The following CNIH3 variants were observed in gnomAD, a reference collection of about 807,000 sequenced individuals.
CNIH3 encodes the protein cornichon family AMPA receptor auxiliary protein 3, also known as protein cornichon homolog 3.
In CNIH3, 14 loss-of-function variants were observed where a neutral mutation model predicts 24.1. The ratio of observed to expected loss-of-function variants is 0.58; its 90% confidence interval spans 0.38 to 0.91. CNIH3 has a LOEUF of 0.91. CNIH3 is among the 40% of genes least tolerant of loss of function. The pLI, the probability that CNIH3 is intolerant of heterozygous loss-of-function variation, is 0.00. For synonymous variants in CNIH3, 68 were observed against 73.8 expected (o/e 0.92, Z 0.40); for missense variants, 178 against 196.8 (o/e 0.90, Z 0.57).
intron 3 of CNIH3, among the ~76,000 whole-genome samples, chr1:224,562,648 G>A (rs950713677): frequency 6.6e-6 from 1 of 152,060 alleles, no homozygotes; most frequent in African/African-American, 2.4e-5. Context: ...TGAATGGCTT[G>A]GTGCCCTTCC....
intron 1 of CNIH3, among the ~76,000 whole-genome samples, chr1:224,624,631 G>C (rs1683431634): frequency 6.6e-6 from 1 of 152,032 alleles, no homozygotes; most frequent in Non-Finnish European, 1.5e-5. Flanking sequence ...AGAGCATCGT[G>C]GTCCCTTCCA....
chr1:224,468,622 A>G (rs933687222), intron 1 of CNIH3, among the ~76,000 whole-genome samples: 12 of 151,996 alleles, frequency 7.9e-5, no homozygotes, highest in Non-Finnish European at 1.2e-4. Context: ...TTTCTTTCCA[A>G]TCTGTCTGCA....
intron 1 of CNIH3, among the ~76,000 whole-genome samples, chr1:224,478,287 A>G (rs576528106): frequency 3.9e-5 from 6 of 152,260 alleles, no homozygotes; most frequent in Non-Finnish European, 5.9e-5. Context: ...TTTAAGGCCA[A>G]TAACTCTTAG....
At chr1:224,518,414 C>T (rs181658451) in intron 1 of CNIH3, among the ~76,000 whole-genome samples, 1 of 152,178 alleles carries the variant, frequency 6.6e-6, no homozygotes, top group Non-Finnish European at 1.5e-5. Context: ...ACTGTAGCCT[C>T]GGACTCTTGG....
At chr1:224,502,579 G>A (rs963261348) in intron 1 of CNIH3, among the ~76,000 whole-genome samples, 2 of 152,202 alleles carry the variant, frequency 1.3e-5, no homozygotes, top group African/African-American at 4.8e-5. Flanking sequence ...GCAGCGTGGG[G>A]AGGTGGATTG....
At chr1:224,535,793 G>A (rs973792465) in intron 2 of CNIH3, among the ~76,000 whole-genome samples, 8 of 152,206 alleles carry the variant, frequency 5.3e-5, no homozygotes, top group Non-Finnish European at 8.8e-5. Flanking sequence ...ACCTGTAGGC[G>A]TGAAGGAGGC....
At chr1:224,488,465 T>TG (rs200373724) in intron 1 of CNIH3, among the ~76,000 whole-genome samples, 12,754 of 22,252 alleles carry the variant, frequency 0.57, 1,968 homozygotes, top group African/African-American at 0.59. Flanking sequence ...TAATTTTTTT[T>TG]TGGGGGGTGG....
At chr1:224,647,019 C>A (rs1158106661) in intron 1 of CNIH3, among the ~76,000 whole-genome samples, 1 of 152,154 alleles carries the variant, frequency 6.6e-6, no homozygotes, top group African/African-American at 2.4e-5. Flanking sequence ...CAGAGTCTTG[C>A]TCTGTCATGC....
intron 3 of CNIH3, among the ~76,000 whole-genome samples, chr1:224,712,129 T>C (rs977697665): frequency 3.3e-5 from 5 of 152,196 alleles, no homozygotes; most frequent in African/African-American, 1.2e-4. Context: ...TTGTCTAAAG[T>C]CCACTCACTT....
At chr1:224,452,507 C>T (rs1440112969) in intron 1 of CNIH3, among the ~76,000 whole-genome samples, 9 of 151,980 alleles carry the variant, frequency 5.9e-5, no homozygotes, top group South Asian at 2.1e-4. Context: ...GTTGGCCGGG[C>T]ACGGTGGCTC....
intron 1 of CNIH3, among the ~76,000 whole-genome samples, chr1:224,670,909 G>A (rs1031062213): frequency 5.9e-5 from 9 of 152,232 alleles, no homozygotes; most frequent in Admixed American, 3.3e-4. Flanking sequence ...TTCTGTGAGG[G>A]TGTTTTTGGA....
chr1:224,506,269 A>ACGCG (rs760624445), intron 1 of CNIH3, among the ~76,000 whole-genome samples: 7 of 130,754 alleles, frequency 5.4e-5, no homozygotes, highest in African/African-American at 1.5e-4. Context: ...ATGCACGCAC[A>ACGCG]CGCGCGCGCG....
At chr1:224,620,508 A>G (rs1206843476) in intron 1 of CNIH3, among the ~76,000 whole-genome samples, 1 of 152,240 alleles carries the variant, frequency 6.6e-6, no homozygotes, top group Non-Finnish European at 1.5e-5. Flanking sequence ...GATTGGGGTT[A>G]CAATAGCAAC....
At chr1:224,725,661 C>G (rs1688985195) in intron 3 of CNIH3, among the ~76,000 whole-genome samples, 1 of 152,190 alleles carries the variant, frequency 6.6e-6, no homozygotes, top group Non-Finnish European at 1.5e-5. Context: ...CTCAGAAAAC[C>G]TATGCCCTTG....
intron 1 of CNIH3, among the ~76,000 whole-genome samples, chr1:224,489,696 C>T (rs1216133153): frequency 1.3e-5 from 2 of 152,172 alleles, no homozygotes; most frequent in Admixed American, 6.5e-5. Context: ...GTGTCTTAGT[C>T]CATTTGGGCT....
At chr1:224,446,102 A>T (rs1222578410) in intron 1 of CNIH3, among the ~76,000 whole-genome samples, 1 of 152,038 alleles carries the variant, frequency 6.6e-6, no homozygotes, top group Admixed American at 6.6e-5. Context: ...CTGTATTCAC[A>T]TATCTTTATG....
At chr1:224,560,525 C>A (rs1680322010) in intron 3 of CNIH3, among the ~76,000 whole-genome samples, 1 of 152,114 alleles carries the variant, frequency 6.6e-6, no homozygotes, top group African/African-American at 2.4e-5. Flanking sequence ...CCGTTGCTTG[C>A]ATTACCACCT....
chr1:224,669,038 C>T (rs888019421), intron 1 of CNIH3, among the ~76,000 whole-genome samples: 3 of 152,156 alleles, frequency 2.0e-5, no homozygotes, highest in Non-Finnish European at 4.4e-5. Context: ...CTGGCCTATG[C>T]CTATGACAAG....
intron 1 of CNIH3, among the ~76,000 whole-genome samples, chr1:224,652,502 TTAGTG>T (rs1684905213): frequency 6.6e-6 from 1 of 151,984 alleles, no homozygotes; most frequent in Non-Finnish European, 1.5e-5. Context: ...AGCCAGTTGA[TTAGTG>T]TAGGAAGAAA....
Sources: allele counts gnomAD v4.1 joint callset (sites outside exome capture counted in the v4.1 genomes callset), GRCh38; gene constraint gnomAD v4.1.1; transcripts MANE v1.5; gene names NCBI Gene and HGNC (gene_info 2026-07-23, HGNC 2026-07-21).